The following ZSWIM6 variants were observed in gnomAD, a reference collection of about 807,000 sequenced individuals.
The protein encoded by ZSWIM6 is zinc finger SWIM domain-containing protein 6.
Under a neutral mutation model 113.2 loss-of-function variants are expected in ZSWIM6, and 9 were observed. The ratio of observed to expected loss-of-function variants is 0.08; its 90% CI spans 0.05 to 0.14. The LOEUF (loss-of-function observed/expected upper bound fraction) is 0.14. Among genes scored for constraint, ZSWIM6 ranks in the 10% least tolerant of loss-of-function variants. The pLI, the probability that ZSWIM6 is intolerant of heterozygous loss-of-function variation, is 1.00. For synonymous variants in ZSWIM6, 611 were observed against 606.5 expected, an observed-to-expected ratio of 1.01 and a Z score of -0.11; for missense variants, 1,162 against 1,552.2, an observed-to-expected ratio of 0.75 and a Z score of 4.22.
chr5:61,529,092 C>G (rs1339130531), intron 7 of ZSWIM6, among the ~76,000 whole-genome samples: 1 of 152,058 alleles, frequency 6.6e-6, no homozygotes, highest in Non-Finnish European at 1.5e-5. Flanking sequence ...CCTGTAAATC[C>G]CAGCTACTTG....
chr5:61,538,790 A>G (rs1049943008), intron 10 of ZSWIM6, 24 bp from the exon 11 acceptor site: 7 of 1,537,238 alleles, frequency 4.6e-6, no homozygotes, highest in Non-Finnish European at 5.3e-6. Context: ...ACTAGGGGCC[A>G]CCTTCCTTGT....
At chr5:61,377,828 G>C (rs1303139314) in intron 1 of ZSWIM6, among the ~76,000 whole-genome samples, 1 of 151,560 alleles carries the variant, frequency 6.6e-6, no homozygotes, top group Non-Finnish European at 1.5e-5. Context: ...CCAATAAAAA[G>C]ACTAACAATT....
At chr5:61,440,359 G>GT (rs1455377199) in intron 1 of ZSWIM6, among the ~76,000 whole-genome samples, 2 of 75,980 alleles carry the variant, frequency 2.6e-5, no homozygotes, top group African/African-American at 1.7e-4. Context: ...ATTCATTGGT[G>GT]TAAAAAAAAA....
At chr5:61,508,851 TATC>T (rs1748699864) in intron 4 of ZSWIM6, among the ~76,000 whole-genome samples, 1 of 152,140 alleles carries the variant, frequency 6.6e-6, no homozygotes, top group Non-Finnish European at 1.5e-5. Flanking sequence ...AAGTCCATGC[TATC>T]CACATGGAGA....
intron 4 of ZSWIM6, among the ~76,000 whole-genome samples, chr5:61,503,652 A>G (rs1424182794): frequency 2.0e-5 from 3 of 152,142 alleles, no homozygotes; most frequent in Non-Finnish European, 4.4e-5. Flanking sequence ...CAAGAGCACA[A>G]AGTCTGTTTC....
At chr5:61,341,546 C>T (rs550951293) in intron 1 of ZSWIM6, among the ~76,000 whole-genome samples, 8 of 151,832 alleles carry the variant, frequency 5.3e-5, no homozygotes, top group African/African-American at 7.3e-5. Flanking sequence ...AGTCATTTTC[C>T]GAGAACCTAT....
chr5:61,496,092 C>T (rs973716496), intron 4 of ZSWIM6, among the ~76,000 whole-genome samples: 1 of 152,080 alleles, frequency 6.6e-6, no homozygotes, highest in Non-Finnish European at 1.5e-5. Context: ...TACCTTAACC[C>T]TCAATCAGAA....
intron 1 of ZSWIM6, among the ~76,000 whole-genome samples, chr5:61,351,330 C>T (rs1579946736): frequency 6.6e-6 from 1 of 152,192 alleles, no homozygotes; most frequent in South Asian, 2.1e-4. Context: ...GTGGGCTGAC[C>T]TCATCACTTA....
intron 3 of ZSWIM6, among the ~76,000 whole-genome samples, chr5:61,492,193 G>T (rs1159216591): frequency 6.6e-6 from 1 of 151,822 alleles, no homozygotes; most frequent in Non-Finnish European, 1.5e-5. Flanking sequence ...AAATCTACCA[G>T]AAAAAATAAA....
rs1749871897 is a variant in ZSWIM6 at position 61,545,760 on chromosome 5, A to G, written c.*1443A>G. 1 of 152,118 alleles carries G rather than the reference A, an allele frequency of 6.6e-6. No individual in the cohort carries two copies. The highest frequency in any genetic ancestry group is 2.4e-5 in the African/African-American group (1 of 41,430). The allele number at this position is 152,118 out of a possible 1,614,324, so 9.4% of individuals were successfully genotyped here. Reference sequence around the variant, plus strand: ...TTTAAAATAACCAAACTGGAGATCTAACTACCAAACTGTTCATTATATTAT... The same window carrying G: ...TTTAAAATAACCAAACTGGAGATCTGACTACCAAACTGTTCATTATATTAT... On this transcript the variant is annotated 3_prime_UTR_variant, in exon 14 of 14. Coordinates refer to ENST00000252744, the MANE Select transcript of ZSWIM6 (RefSeq NM_020928.2).
chr5:61,389,638 T>C (rs527328770), intron 1 of ZSWIM6, among the ~76,000 whole-genome samples: 1 of 151,664 alleles, frequency 6.6e-6, no homozygotes, highest in South Asian at 2.1e-4. Flanking sequence ...ATTCAAGGTC[T>C]AAATGCATTT....
At chr5:61,422,489 T>A (rs1225116033) in intron 1 of ZSWIM6, among the ~76,000 whole-genome samples, 1 of 152,230 alleles carries the variant, frequency 6.6e-6, no homozygotes, top group African/African-American at 2.4e-5. Flanking sequence ...TAATTTGAAG[T>A]CAAGTAATGT....
chr5:61,384,624 G>A (rs1277923420), intron 1 of ZSWIM6, among the ~76,000 whole-genome samples: 2 of 152,162 alleles, frequency 1.3e-5, no homozygotes, highest in East Asian at 3.8e-4. Context: ...TAAAACTCAG[G>A]TGCTGGTGGG....
chr5:61,391,649 C>A (rs1382832077), intron 1 of ZSWIM6: 5 of 975,968 alleles, frequency 5.1e-6, no homozygotes, highest in Non-Finnish European at 8.4e-6. Context: ...ATGGTCACAG[C>A]CTCTATCACT....
At chr5:61,435,035 G>A (rs750516067) in intron 1 of ZSWIM6, among the ~76,000 whole-genome samples, 1 of 152,026 alleles carries the variant, frequency 6.6e-6, no homozygotes, top group South Asian at 2.1e-4. Flanking sequence ...ACTGGAAACC[G>A]AGAGATATAG....
At chr5:61,399,766 A>C (rs1745908282) in intron 1 of ZSWIM6, among the ~76,000 whole-genome samples, 1 of 152,210 alleles carries the variant, frequency 6.6e-6, no homozygotes, top group Non-Finnish European at 1.5e-5. Flanking sequence ...TGTAAGAAGA[A>C]AATACTTCCT....
At chr5:61,402,754 T>C (rs1301491645) in intron 1 of ZSWIM6, among the ~76,000 whole-genome samples, 1 of 152,230 alleles carries the variant, frequency 6.6e-6, no homozygotes, top group Non-Finnish European at 1.5e-5. Context: ...AAAGTTGTTA[T>C]TCCCACAATA....
intron 1 of ZSWIM6, among the ~76,000 whole-genome samples, chr5:61,359,181 C>T (rs1458498038): frequency 6.6e-6 from 1 of 152,064 alleles, no homozygotes; most frequent in Non-Finnish European, 1.5e-5. Context: ...GAGGGCATTC[C>T]ATCCAGATAT....
intron 4 of ZSWIM6, among the ~76,000 whole-genome samples, chr5:61,510,831 A>T (rs6865624): frequency 0.38 from 57,173 of 152,076 alleles, 10,910 homozygotes; most frequent in South Asian, 0.43. Context: ...ACTAGGTGCC[A>T]GGTCCTCTGT....
Sources: gnomAD v4.1 joint callset for allele counts (sites outside exome capture counted in the v4.1 genomes callset) on GRCh38, gnomAD v4.1.1 for gene constraint, MANE v1.5 for transcripts, NCBI Gene and HGNC (gene_info 2026-07-23, HGNC 2026-07-21) for gene names.